PTPRN2: variants seen among roughly 807,000 people sequenced by gnomAD.
PTPRN2 encodes protein tyrosine phosphatase receptor type N2.
A neutral mutation model predicts 118.8 loss-of-function variants in PTPRN2; 74 were observed. The ratio of observed to expected loss-of-function variants is 0.62; its 90% CI spans 0.52 to 0.76. The LOEUF (loss-of-function observed/expected upper bound fraction) is 0.76, where lower values mean the gene tolerates loss of function less well. Among genes scored for constraint, PTPRN2 ranks in the 30% least tolerant of loss-of-function variants. The pLI, the probability that PTPRN2 is intolerant of heterozygous loss-of-function variation, is 0.00. For synonymous variants in PTPRN2, 641 were observed against 608.0 expected (o/e 1.05, Z -0.80); for missense variants, 1,481 against 1,394.4 (o/e 1.06, Z -0.99).
At chr7:158,556,224 A>G (rs113243828) in intron 1 of PTPRN2, among the ~76,000 whole-genome samples, 1 of 151,904 alleles carries the variant, frequency 6.6e-6, no homozygotes, top group African/African-American at 2.4e-5. Flanking sequence ...GTAAAGATAG[A>G]TTAGATAGAT....
At chr7:158,031,619 GA>G (rs1435759947) in intron 11 of PTPRN2, among the ~76,000 whole-genome samples, 3 of 152,116 alleles carry the variant, frequency 2.0e-5, no homozygotes, top group Non-Finnish European at 2.9e-5. Flanking sequence ...AGGAAAAAAA[GA>G]AAAAGATAAA....
At chr7:158,049,892 G>A (rs1180353001) in intron 11 of PTPRN2, among the ~76,000 whole-genome samples, 1 of 123,310 alleles carries the variant, frequency 8.1e-6, no homozygotes, top group Non-Finnish European at 1.8e-5. Context: ...AACACAGCAA[G>A]ATTCCATCTC....
intron 2 of PTPRN2, among the ~76,000 whole-genome samples, chr7:158,325,045 C>G (rs1441289513): frequency 6.6e-6 from 1 of 152,226 alleles, no homozygotes; most frequent in Non-Finnish European, 1.5e-5. Flanking sequence ...GGGGGTCCCC[C>G]AGTCCCCACA....
intron 11 of PTPRN2, among the ~76,000 whole-genome samples, chr7:157,975,951 G>A (rs1476086489): frequency 2.0e-5 from 3 of 152,120 alleles, no homozygotes; most frequent in African/African-American, 4.8e-5. Flanking sequence ...GTGTGGCCGA[G>A]GTGGGGTGTT....
chr7:158,220,261 G>A (rs2150789993), intron 3 of PTPRN2, among the ~76,000 whole-genome samples: 1 of 152,172 alleles, frequency 6.6e-6, no homozygotes, highest in East Asian at 1.9e-4. Context: ...GAACTGGAAT[G>A]AAACAAAATG....
chr7:158,248,625 C>G (rs1016311719), intron 3 of PTPRN2, among the ~76,000 whole-genome samples: 1 of 148,508 alleles, frequency 6.7e-6, no homozygotes. Context: ...CACATACACA[C>G]GCACACACAC....
chr7:157,779,013 C>T lies in PTPRN2; in HGVS notation c.1789-96076G>A, dbSNP rs1239387617. ...AACGGGCCACAGCGCTCAAGCAGAG[C>T]TCCGCTCACAGCCAGGTGGCCGTGT... On this transcript the variant is annotated intron_variant, in intron 12 of 22. Transcript: ENST00000389418. The surrounding 1 kb of genome is among the most constrained non-coding windows in gnomAD (Gnocchi z 4.7). Among the ~76,000 whole-genome samples, 1 of 152,234 alleles carries T rather than the reference C, an allele frequency of 6.6e-6. No individual in the cohort carries two copies. The highest frequency in any genetic ancestry group is 1.5e-5 in the Non-Finnish European group (1 of 68,044).
At chr7:158,398,475 G>C (rs920274166) in intron 2 of PTPRN2, among the ~76,000 whole-genome samples, 3 of 152,204 alleles carry the variant, frequency 2.0e-5, no homozygotes, top group Non-Finnish European at 2.9e-5. Flanking sequence ...CTAGAATGGG[G>C]TAAACAAAGA....
chr7:157,682,373 C>T (rs901373822), intron 13 of PTPRN2, among the ~76,000 whole-genome samples: 6 of 152,228 alleles, frequency 3.9e-5, no homozygotes, highest in East Asian at 1.9e-4. Flanking sequence ...AACACCTACA[C>T]GCCAAATGAT....
intron 3 of PTPRN2, among the ~76,000 whole-genome samples, chr7:158,245,988 G>A (rs1025322661): frequency 6.6e-6 from 1 of 152,004 alleles, no homozygotes; most frequent in African/African-American, 2.4e-5. Flanking sequence ...TCAGGGCCTG[G>A]TTGGCAGCAG....
chr7:158,341,547 T>TCACCATAAGAGCTGACACCC (rs1563177898), intron 2 of PTPRN2, among the ~76,000 whole-genome samples: 1 of 19,062 alleles, frequency 5.2e-5, no homozygotes, highest in African/African-American at 2.4e-4. Flanking sequence ...AGGTGACATC[T>TCACCATAAGAGCTGACACCC]GCAGACGTCA....
intron 12 of PTPRN2, among the ~76,000 whole-genome samples, chr7:157,880,458 C>T (rs111279382): frequency 1.1e-4 from 17 of 152,224 alleles, no homozygotes; most frequent in African/African-American, 4.1e-4. Context: ...AGAGGGGGCA[C>T]CGGCAGCTCC....
At chr7:158,108,653 C>T (rs563265532) in intron 10 of PTPRN2, among the ~76,000 whole-genome samples, 67 of 152,330 alleles carry the variant, frequency 4.4e-4, no homozygotes, top group African/African-American at 6.0e-4. Flanking sequence ...CTCTCTGGGA[C>T]GCCTCCATGT....
rs1563132094 is a variant in PTPRN2, at chr7:158,319,611, GTA to G, written c.164-2681_164-2680del. Among the ~76,000 whole-genome samples, 59 of 6,912 alleles carry G rather than the reference GTA, an allele frequency of 8.5e-3. 6 individuals are homozygous for G. The highest frequency in any genetic ancestry group is 0.019 in the East Asian group (4 of 216). The allele number at this position is 6,912 out of a possible 152,430, so 4.5% of individuals were successfully genotyped here. A position where few individuals can be genotyped will look rare whatever the true frequency, so the allele number is the denominator to read the frequency against. On this transcript the variant is annotated intron_variant, in intron 2 of 22. Coordinates refer to ENST00000389418, the MANE Select transcript of PTPRN2 (RefSeq NM_002847.5). ...CTCACACACGCACACAGCCTCCCTT[GTA>G]CACACACAGCCTCCCTCACACACAC...
intron 11 of PTPRN2, among the ~76,000 whole-genome samples, chr7:157,942,003 G>T (rs962514971): frequency 6.6e-6 from 1 of 151,196 alleles, no homozygotes; most frequent in Non-Finnish European, 1.5e-5. Flanking sequence ...TCAAATATGG[G>T]GGTCCTTAGC....
chr7:158,333,896 A>AGG (rs1296132783), intron 2 of PTPRN2, among the ~76,000 whole-genome samples: 13 of 144,982 alleles, frequency 9.0e-5, no homozygotes, highest in African/African-American at 3.1e-4. Flanking sequence ...ATAAGAGCTG[A>AGG]CACCCGCAGA....
chr7:157,548,123 G>A (rs1255288787), intron 22 of PTPRN2, among the ~76,000 whole-genome samples: 1 of 152,170 alleles, frequency 6.6e-6, no homozygotes, highest in East Asian at 1.9e-4. Context: ...GGCTGAGGCA[G>A]GAGAATCGCT....
chr7:158,567,451 C>T (rs1389509737), intron 1 of PTPRN2, among the ~76,000 whole-genome samples: 1 of 152,222 alleles, frequency 6.6e-6, no homozygotes, highest in East Asian at 1.9e-4. Flanking sequence ...GAAGGCTTTT[C>T]ATTACAGTGA....
chr7:157,696,876 G>A (rs1365962660), intron 12 of PTPRN2, among the ~76,000 whole-genome samples: 5 of 102,916 alleles, frequency 4.9e-5, no homozygotes, highest in Admixed American at 1.0e-4. Flanking sequence ...ACTGGGTCTT[G>A]GCAGAGCCCT....
Sources: gnomAD v4.1 joint callset for allele counts (sites outside exome capture counted in the v4.1 genomes callset) on GRCh38, gnomAD v4.1.1 for gene constraint, Gnocchi (gnomAD v3.1) non-coding constraint, MANE v1.5 for transcripts, NCBI Gene and HGNC (gene_info 2026-07-23, HGNC 2026-07-21) for gene names.